The following COL24A1 variants were observed in gnomAD, a reference collection of about 807,000 sequenced individuals.
COL24A1 encodes the protein collagen alpha-1(XXIV) chain.
Under a neutral mutation model 253.9 loss-of-function variants are expected in COL24A1, and 224 were observed. The ratio of observed to expected loss-of-function variants is 0.88; its 90% confidence interval spans 0.79 to 0.99. The LOEUF (loss-of-function observed/expected upper bound fraction) is 0.99. COL24A1 is among the 50% of genes least tolerant of loss of function. The pLI is 0.00. For synonymous variants in COL24A1, 685 were observed against 673.7 expected, an observed-to-expected ratio of 1.02 and a Z score of -0.26; for missense variants, 2,131 against 2,068.5, an observed-to-expected ratio of 1.03 and a Z score of -0.59.
At chr1:86,138,465 G>A (rs544255039) in intron 2 of COL24A1, among the ~76,000 whole-genome samples, 5 of 152,108 alleles carry the variant, frequency 3.3e-5, no homozygotes, top group African/African-American at 4.8e-5. Context: ...GACCTGGTGG[G>A]AGGTGATTGA....
intron 2 of COL24A1, among the ~76,000 whole-genome samples, chr1:86,127,872 A>G (rs1648559822): frequency 6.6e-6 from 1 of 152,084 alleles, no homozygotes; most frequent in Non-Finnish European, 1.5e-5. Context: ...TGTGTAATCT[A>G]GCAATGCAAT....
At chr1:86,116,321 C>G (rs1202822185) in intron 3 of COL24A1, among the ~76,000 whole-genome samples, 3 of 152,080 alleles carry the variant, frequency 2.0e-5, no homozygotes, top group Non-Finnish European at 4.4e-5. Flanking sequence ...AAATACTAGC[C>G]TCACCAGTAA....
intron 31 of COL24A1, among the ~76,000 whole-genome samples, chr1:85,893,560 T>C (rs1170492709): frequency 6.6e-6 from 1 of 152,134 alleles, no homozygotes; most frequent in African/African-American, 2.4e-5. Flanking sequence ...CCTTAACACC[T>C]TAATAACACA....
Position 85,890,108 on chromosome 1 carries a change from A to G in COL24A1, c.2923-495T>C, listed in dbSNP as rs561722808. Among the ~76,000 whole-genome samples the G allele has an allele frequency of 2.6e-5, 4 of 152,272 alleles. No homozygotes were observed. The East Asian group carries it at 7.7e-4, about 29-fold the overall frequency. On this transcript the variant is annotated intron_variant, in intron 31 of 59. Transcript: ENST00000370571. The stretch of plus-strand genomic sequence containing the variant: ...CTTCCTGCTTTTTAAGATTGGGTCC[A>G]CTGTATGCATATTCCACATTTTGTT...
At chr1:85,970,708 G>T (rs1233440799) in intron 21 of COL24A1, among the ~76,000 whole-genome samples, 3 of 151,964 alleles carry the variant, frequency 2.0e-5, no homozygotes, top group African/African-American at 7.3e-5. Context: ...TAAATATTTT[G>T]CTCAATTCAC....
intron 23 of COL24A1, among the ~76,000 whole-genome samples, chr1:85,962,679 C>T (rs933632853): frequency 6.6e-5 from 10 of 152,132 alleles, no homozygotes; most frequent in African/African-American, 2.4e-4. Context: ...TATAGATTAA[C>T]GAAAGGTAAA....
intron 7 of COL24A1, among the ~76,000 whole-genome samples, chr1:86,069,657 A>AGAGAG (rs1701731048): frequency 6.6e-6 from 1 of 150,634 alleles, no homozygotes; most frequent in Admixed American, 6.6e-5. Flanking sequence ...TGGCCCAGCA[A>AGAGAG]AGAGAGAGAG....
intron 6 of COL24A1, among the ~76,000 whole-genome samples, chr1:86,090,360 G>A (rs1703405035): frequency 6.6e-6 from 1 of 152,034 alleles, no homozygotes; most frequent in Non-Finnish European, 1.5e-5. Context: ...TATGGGAAAG[G>A]AAAAACTTAC....
At chr1:85,921,454 G>A (rs1686479489) in intron 24 of COL24A1, among the ~76,000 whole-genome samples, 1 of 152,108 alleles carries the variant, frequency 6.6e-6, no homozygotes, top group Non-Finnish European at 1.5e-5. Flanking sequence ...TGCCCCTCTG[G>A]GATGAAGCTT....
chr1:85,770,730 T>A (rs558358482), intron 53 of COL24A1, among the ~76,000 whole-genome samples: 2 of 152,314 alleles, frequency 1.3e-5, no homozygotes, highest in Middle Eastern at 3.4e-3. Flanking sequence ...ACAACACATC[T>A]TCTTTAGCAT....
intron 13 of COL24A1, among the ~76,000 whole-genome samples, chr1:86,033,485 T>C (rs1698751904): frequency 6.6e-6 from 1 of 152,132 alleles, no homozygotes; most frequent in Non-Finnish European, 1.5e-5. Context: ...TAATTTTCTA[T>C]AAAACACTAA....
Position 86,071,776 on chromosome 1 carries a change from A to G in COL24A1, c.1708-8017T>C, listed in dbSNP as rs536123276. Among the ~76,000 whole-genome samples the G allele has an allele frequency of 2.0e-5, 3 of 152,306 alleles. No individual in the cohort carries two copies. The East Asian group carries it at 5.8e-4, about 29-fold the overall frequency. On this transcript the variant is annotated intron_variant, in intron 7 of 59. Coordinates refer to ENST00000370571, the MANE Select transcript of COL24A1 (RefSeq NM_152890.7). Reference sequence around the variant, plus strand: ...GGAGCTAAAGAGAGAGATAGACCCTACTACAATAATTGCTGGAGACTTCAA... The same window carrying G: ...GGAGCTAAAGAGAGAGATAGACCCTGCTACAATAATTGCTGGAGACTTCAA...
intron 20 of COL24A1, among the ~76,000 whole-genome samples, chr1:85,979,759 A>G (rs1447587528): frequency 6.6e-6 from 1 of 152,104 alleles, no homozygotes; most frequent in African/African-American, 2.4e-5. Context: ...TCAGACATTC[A>G]AAGAAGAATT....
At chr1:85,926,017 ATGAACAGACACTTCT>A (rs1687161923) in intron 24 of COL24A1, among the ~76,000 whole-genome samples, 1 of 152,238 alleles carries the variant, frequency 6.6e-6, no homozygotes, top group South Asian at 2.1e-4. Context: ...GGCAAAGGAT[ATGAACAGACACTTCT>A]CAAAAGAAGA....
At chr1:86,111,642 A>C (rs1032526430) in intron 5 of COL24A1, among the ~76,000 whole-genome samples, 2 of 151,948 alleles carry the variant, frequency 1.3e-5, no homozygotes, top group African/African-American at 2.4e-5. Flanking sequence ...GTCCCCTTCC[A>C]CACTGTGGAA....
chr1:86,030,874 A>C lies in COL24A1; in HGVS notation c.2049+1004T>G, dbSNP rs1007950436. Among the ~76,000 whole-genome samples the C allele has an allele frequency of 3.3e-5, 5 of 151,870 alleles. No individual in the cohort carries two copies. In the East Asian group the frequency reaches 9.7e-4, roughly 30 times the overall value. ...TGGCCTCCTAAAGTGCTGGGATCATAGGCATGAGCCACCATGCCTAGCCGT... is the reference window on the plus strand; with the variant it reads ...TGGCCTCCTAAAGTGCTGGGATCATCGGCATGAGCCACCATGCCTAGCCGT... On this transcript the variant is annotated intron_variant, in intron 14 of 59. Coordinates refer to ENST00000370571, the MANE Select transcript of COL24A1 (RefSeq NM_152890.7).
At chr1:85,967,442 A>G (rs913961285) in intron 22 of COL24A1, among the ~76,000 whole-genome samples, 3 of 152,334 alleles carry the variant, frequency 2.0e-5, no homozygotes, top group Non-Finnish European at 2.9e-5. Flanking sequence ...CAGCAGAATC[A>G]ATGCACTGAC....
At chr1:85,758,107 G>T (rs960633224) in intron 55 of COL24A1, among the ~76,000 whole-genome samples, 5 of 152,150 alleles carry the variant, frequency 3.3e-5, no homozygotes, top group Admixed American at 3.3e-4. Context: ...GTGAAGAGCA[G>T]ATCTAGTCTA....
At chr1:85,926,803 A>G (rs180810088) in intron 24 of COL24A1, among the ~76,000 whole-genome samples, 39 of 152,078 alleles carry the variant, frequency 2.6e-4, no homozygotes, top group African/African-American at 9.2e-4. Context: ...GTACCCTAGA[A>G]CTTAAAGTAT....
Sources: allele counts gnomAD v4.1 joint callset (sites outside exome capture counted in the v4.1 genomes callset), GRCh38; gene constraint gnomAD v4.1.1; transcripts MANE v1.5; gene names NCBI Gene and HGNC (gene_info 2026-07-23, HGNC 2026-07-21).